The following TIAM2 variants were observed in gnomAD, a reference collection of about 807,000 sequenced individuals.
TIAM2 encodes rho guanine nucleotide exchange factor TIAM2.
TIAM2 carries 80 observed loss-of-function variants against 152.9 expected under a neutral mutation model. The observed-to-expected ratio is 0.52, with a 90% CI of 0.44 to 0.63. The LOEUF (loss-of-function observed/expected upper bound fraction) is 0.63, where lower values mean the gene tolerates loss of function less well. Among genes scored for constraint, TIAM2 ranks in the 30% least tolerant of loss-of-function variants. TIAM2 has a pLI of 0.00. For synonymous variants in TIAM2, 804 were observed against 838.0 expected (o/e 0.96, Z 0.70); for missense variants, 1,965 against 2,120.1 (o/e 0.93, Z 1.44).
chr6:155,110,318 C>CTTTTTTTTTTTT lies in TIAM2; in HGVS notation c.-117-17161_-117-17160insTTTTTTTTTTTT, dbSNP rs67332964. Among the ~76,000 whole-genome samples the CTTTTTTTTTTTT allele has an allele frequency of 9.7e-5, 13 of 133,790 alleles. 2 individuals carry two copies. The highest frequency in any genetic ancestry group is 3.3e-4 in the Admixed American group (4 of 12,178). 87.8% of individuals were successfully genotyped at this position (133,790 alleles called of 152,430 possible). On this transcript the variant is annotated intron_variant, in intron 2 of 26. Coordinates refer to ENST00000682666, the MANE Select transcript of TIAM2 (RefSeq NM_012454.4). Reference sequence around the variant, plus strand: ...TCCTTCTTCCTTTCCTCTTTCTTTTCTTTTTTTTTTTGTTGTTCTTTCTTT... The same window carrying CTTTTTTTTTTTT: ...TCCTTCTTCCTTTCCTCTTTCTTTTCTTTTTTTTTTTTTTTTTTTTTTTGTTGTTCTTTCTTT...
chr6:155,072,770 C>T (rs1177773499), intron 1 of TIAM2, among the ~76,000 whole-genome samples: 2 of 152,056 alleles, frequency 1.3e-5, no homozygotes, highest in East Asian at 3.9e-4. Context: ...GGAGCACTGA[C>T]AAATGCTGGC....
chr6:155,222,625 AAAAAC>A (rs1782094019), intron 15 of TIAM2, among the ~76,000 whole-genome samples: 3 of 77,982 alleles, frequency 3.8e-5, no homozygotes, highest in Non-Finnish European at 8.2e-5. Context: ...AACAAAAAAA[AAAAAC>A]ACAAAAAAAA....
In TIAM2 at chr6:155,028,807, T is replaced by TACATGTA. The variant is rs1491584893; in HGVS notation, c.-209+33316_-209+33317insCATGTAA. Among the ~76,000 whole-genome samples, 444 of 131,238 alleles carry TACATGTA rather than the reference T, an allele frequency of 3.4e-3. 3 individuals carry two copies. The highest frequency in any genetic ancestry group is 4.0e-3 in the African/African-American group (141 of 34,882). 86.1% of individuals were successfully genotyped at this position (131,238 alleles called of 152,430 possible). On this transcript the variant is annotated intron_variant, in intron 1 of 26. Transcript: ENST00000682666. ...GTAATATATATACTGTGTTATATAC[T>TACATGTA]ATATATAATATATATACTGTGTTAT...
At chr6:155,087,582 C>G (rs1336983562) in intron 1 of TIAM2, among the ~76,000 whole-genome samples, 1 of 152,012 alleles carries the variant, frequency 6.6e-6, no homozygotes, top group African/African-American at 2.4e-5. Flanking sequence ...AACCCTGTCT[C>G]TACTACAAAT....
chr6:155,162,581 C>A (rs1415500280), intron 7 of TIAM2, among the ~76,000 whole-genome samples: 1 of 152,200 alleles, frequency 6.6e-6, no homozygotes, highest in Admixed American at 6.5e-5. Context: ...AAGAGACTTG[C>A]AGTTTCAATT....
chr6:155,254,435 A>C lies in TIAM2; in HGVS notation c.4330A>C (p.Thr1444Pro). 6.2e-7 allele frequency: 1 copy of C among 1,612,382 alleles called. No individual in the cohort carries two copies. Among genetic ancestry groups the C allele is most frequent in the Non-Finnish European group, 8.5e-7 (1 of 1,178,496 alleles). The change falls in exon 26 of 27, where the codon ACC becomes CCC. Residue 1444 changes from threonine to proline, a missense_variant. Thr to Pro is a conservative substitution (Grantham distance 38). Around this residue, in one of 3 missense-constraint regions of TIAM2, gnomAD observed 935 missense variants for 980.0 expected, o/e 0.95. Transcript: ENST00000682666. Reference protein sequence around the residue: ...QLCCSDSESKTNIVKVIRSIL... With the variant: ...QLCCSDSESKPNIVKVIRSIL... ...CCCACCCAGTGACAGTGAAAGCAAAACCAACATTGTTAAGGTGATTCGTTC... is the reference window on the plus strand; with the variant it reads ...CCCACCCAGTGACAGTGAAAGCAAACCCAACATTGTTAAGGTGATTCGTTC...
intron 1 of TIAM2, among the ~76,000 whole-genome samples, chr6:155,012,462 C>G (rs1309974591): frequency 6.6e-6 from 1 of 152,110 alleles, no homozygotes; most frequent in East Asian, 1.9e-4. Flanking sequence ...CTTACCAAAC[C>G]CCATTAATTC....
At chr6:155,113,046 C>G (rs1436793276) in intron 2 of TIAM2, among the ~76,000 whole-genome samples, 1 of 152,158 alleles carries the variant, frequency 6.6e-6, no homozygotes, top group African/African-American at 2.4e-5. Context: ...CCATGATGAG[C>G]CTTCTCTATC....
rs957765071 is a variant in TIAM2 at position 155,063,716 on chromosome 6, A to T, written c.-208-26573A>T. 4.4e-5 allele frequency among the ~76,000 whole-genome samples: 6 copies of T among 135,546 alleles called. No homozygotes were observed. In the Admixed American group the frequency reaches 5.1e-4, roughly 12 times the overall value. 88.9% of individuals were successfully genotyped at this position (135,546 alleles called of 152,430 possible). A position where few individuals can be genotyped will look rare whatever the true frequency, so the allele number is the denominator to read the frequency against. On this transcript the variant is annotated intron_variant, in intron 1 of 26. Transcript: ENST00000682666. ...AGAATCTCTTGAACCCAGGAGGTGGAGGTTTAAGTGAGCCAAGATTGCATC... is the reference window on the plus strand; with the variant it reads ...AGAATCTCTTGAACCCAGGAGGTGGTGGTTTAAGTGAGCCAAGATTGCATC...
At chr6:155,064,496 A>T (rs1172856106) in intron 1 of TIAM2, among the ~76,000 whole-genome samples, 1 of 152,138 alleles carries the variant, frequency 6.6e-6, no homozygotes, top group Non-Finnish European at 1.5e-5. Context: ...GCCTTCCCAG[A>T]ACTTTTTGGT....
intron 1 of TIAM2, among the ~76,000 whole-genome samples, chr6:155,023,134 T>G (rs1776532687): frequency 6.6e-6 from 1 of 151,970 alleles, no homozygotes; most frequent in South Asian, 2.1e-4. Context: ...CTGCAATCCT[T>G]TCCTTTTTGT....
chr6:155,154,116 C>T (rs959686208), intron 7 of TIAM2, among the ~76,000 whole-genome samples: 1 of 152,212 alleles, frequency 6.6e-6, no homozygotes, highest in East Asian at 1.9e-4. Flanking sequence ...TTAGCTTTCT[C>T]TAAACTTCCT....
chr6:155,177,281 A>G (rs745800386), intron 10 of TIAM2, among the ~76,000 whole-genome samples: 32 of 152,204 alleles, frequency 2.1e-4, no homozygotes, highest in Non-Finnish European at 3.7e-4. Flanking sequence ...GTTGCTATTT[A>G]AGTTACTTAG....
Position 155,159,636 on chromosome 6 carries a change from G to C in TIAM2, c.2029-4779G>C, listed in dbSNP as rs373981977. ...CTATAAGGTCTGTTGTGAGCCTTTG[G>C]GTCCAGCACTTGTACCTCTTCTTCC... On this transcript the variant is annotated intron_variant, in intron 7 of 26. Transcript: ENST00000682666. 6.8e-4 allele frequency among the ~76,000 whole-genome samples: 104 copies of C among 152,142 alleles called. 1 individual carries two copies. In the South Asian group the frequency reaches 0.018, roughly 26 times the overall value.
chr6:155,118,229 C>T (rs1199371433), intron 2 of TIAM2, among the ~76,000 whole-genome samples: 1 of 152,056 alleles, frequency 6.6e-6, no homozygotes, highest in Non-Finnish European at 1.5e-5. Context: ...TGTCCCTGAC[C>T]CTGGTGCTTG....
At chr6:155,122,064 C>T (rs1779165709) in intron 2 of TIAM2, 2 of 152,280 alleles carry the variant, frequency 1.3e-5, no homozygotes, top group South Asian at 4.1e-4. Context: ...CAATCAAGCC[C>T]AGGCTAAAGG....
chr6:155,094,546 C>CTTTTT (rs10694318), intron 2 of TIAM2, among the ~76,000 whole-genome samples: 42 of 79,950 alleles, frequency 5.3e-4, no homozygotes, highest in African/African-American at 6.2e-4. Context: ...TTCACTCAGA[C>CTTTTT]TTTTTTTTTT....
chr6:155,162,742 A>G (rs1483357248), intron 7 of TIAM2, among the ~76,000 whole-genome samples: 1 of 152,190 alleles, frequency 6.6e-6, no homozygotes, highest in Non-Finnish European at 1.5e-5. Context: ...TGCATTTTTA[A>G]AAGCCAACAG....
chr6:155,069,975 C>T lies in TIAM2; in HGVS notation c.-208-20314C>T, dbSNP rs536211842. Among the ~76,000 whole-genome samples, 150 of 144,136 alleles carry T rather than the reference C, an allele frequency of 1.0e-3. 1 individual carries two copies. Among genetic ancestry groups the T allele is most frequent in the African/African-American group, 3.5e-3 (138 of 38,892 alleles). The allele number at this position is 144,136 out of a possible 152,430, so 94.6% of individuals were successfully genotyped here. ...TGACCCAGGCTGGAGTGTAGTGGCT[C>T]GATTTTGGCTCACTGCAATGTCTGG... On this transcript the variant is annotated intron_variant, in intron 1 of 26. Coordinates refer to ENST00000682666, the MANE Select transcript of TIAM2 (RefSeq NM_012454.4).
Sources: allele counts gnomAD v4.1 joint callset (sites outside exome capture counted in the v4.1 genomes callset), GRCh38; gene constraint gnomAD v4.1.1; regional missense constraint gnomAD v4.1.1; transcripts MANE v1.5; gene names NCBI Gene and HGNC (gene_info 2026-07-23, HGNC 2026-07-21).